The following ZNF680 variants were observed in gnomAD, a reference collection of about 807,000 sequenced individuals.
ZNF680 encodes hypothetical protein FLJ90430.
A neutral mutation model predicts 12.1 loss-of-function variants in ZNF680; 6 were observed. The observed-to-expected ratio is 0.49, with a 90% confidence interval of 0.27 to 0.98. The LOEUF is 0.98. Ranked by LOEUF, ZNF680 falls within the 50% of genes least tolerant of loss-of-function variation. The probability of loss-of-function intolerance (pLI) is 0.12; values close to 1 mark genes in which losing one functional copy is unlikely to be tolerated. For missense variants in ZNF680, 561 were observed against 616.3 expected (o/e 0.91, Z 0.95); for synonymous variants, 170 against 199.3 (o/e 0.85, Z 1.24).
intron 1 of ZNF680, among the ~76,000 whole-genome samples, chr7:64,547,047 T>A (rs186898298): frequency 6.6e-6 from 1 of 152,218 alleles, no homozygotes; most frequent in East Asian, 1.9e-4. Flanking sequence ...GTAAGATTTT[T>A]TAAATTGGCC....
At position 64,522,412 on chromosome 7, in the gene ZNF680, T is replaced by G. The variant is rs762088868; in HGVS notation, c.342A>C (p.Lys114Asn). 1.2e-5 allele frequency: 19 copies of G among 1,611,470 alleles called. No individual in the cohort carries two copies. In the South Asian group the frequency reaches 2.1e-4, roughly 18 times the overall value. Residue 114 changes from lysine to asparagine, a missense_variant, in exon 4 of 4, where the codon AAA becomes AAC. Transcript: ENST00000309683. Reference protein sequence around the residue: ...FQKVILRGYGKCGHENLQLRI... With the variant: ...FQKVILRGYGNCGHENLQLRI... The stretch of plus-strand genomic sequence containing the variant: ...TTAATTGTAAATTCTCATGTCCACA[T>G]TTTCCATATCCTCTCAGTATCACTT...
At chr7:64,530,411 A>G (rs1785797365) in intron 3 of ZNF680, among the ~76,000 whole-genome samples, 1 of 152,188 alleles carries the variant, frequency 6.6e-6, no homozygotes, top group African/African-American at 2.4e-5. Context: ...TGATGCCTTC[A>G]AGAGACTAAC....
chr7:64,522,147 T>C lies in ZNF680; in HGVS notation c.607A>G (p.Ile203Val). 1 of 1,612,534 alleles carries C rather than the reference T, an allele frequency of 6.2e-7. No individual in the cohort carries two copies. Among genetic ancestry groups the C allele is most frequent in the South Asian group, 1.1e-5 (1 of 90,852 alleles). The change falls in exon 4 of 4, where the codon ATT becomes GTT. Residue 203 changes from isoleucine to valine, a missense_variant. By Grantham distance (29) the Ile-to-Val change is conservative. Coordinates refer to ENST00000309683, the MANE Select transcript of ZNF680 (RefSeq NM_178558.5). ...TTGTAAGAATTCTCTCTAGTGTGAA[T>C]TCTTATATGTTGTGTTAGATGTGAA... ...MLSHLTQHIR[I>V]HTRENSYKCE...
Position 64,521,971 on chromosome 7 carries a change from A to C in ZNF680, c.783T>G (p.Ile261Met), listed in dbSNP as rs763018881. ...STLIKHKKIH[I>M]EEKPFKCEEC... ...CTTCACATTTGAAGGGTTTCTCTTCAATATGAATTTTCTTATGTTTAATAA... is the reference window on the plus strand; with the variant it reads ...CTTCACATTTGAAGGGTTTCTCTTCCATATGAATTTTCTTATGTTTAATAA... The change falls in exon 4 of 4, where the codon ATT (isoleucine) becomes ATG (methionine). Residue 261 changes from isoleucine (I) to methionine (M), a missense_variant. Physicochemically the swap from Ile to Met is conservative, Grantham distance 10 (BLOSUM62 1). Coordinates refer to ENST00000309683, the MANE Select transcript of ZNF680 (RefSeq NM_178558.5). 1 of 1,612,530 alleles carries C rather than the reference A, an allele frequency of 6.2e-7. No homozygotes were observed. Among genetic ancestry groups the C allele is most frequent in the South Asian group, 1.1e-5 (1 of 90,950 alleles).
the ZNF680 span, among the ~76,000 whole-genome samples, chr7:64,502,691 G>A: frequency 0.67 from 102,281 of 152,012 alleles, 35,291 homozygotes; most frequent in African/African-American, 0.84. Context: ...AGAAATTTGG[G>A]GGAAAAAAAC....
At chr7:64,535,159 TAAAAG>T (rs925328062) in intron 3 of ZNF680, among the ~76,000 whole-genome samples, 3 of 151,930 alleles carry the variant, frequency 2.0e-5, no homozygotes, top group Non-Finnish European at 4.4e-5. Flanking sequence ...ATTTAAAAAA[TAAAAG>T]AGAATTTGAG....
At chr7:64,546,842 T>C (rs1786812537) in intron 1 of ZNF680, among the ~76,000 whole-genome samples, 1 of 152,144 alleles carries the variant, frequency 6.6e-6, no homozygotes, top group African/African-American at 2.4e-5. Context: ...CACACTGACC[T>C]GTCTCTACCA....
chr7:64,511,963 G>C, the ZNF680 span, among the ~76,000 whole-genome samples: 1 of 151,776 alleles, frequency 6.6e-6, no homozygotes, highest in Non-Finnish European at 1.5e-5. Flanking sequence ...GGAGGCTGAG[G>C]CAGGAGAATC....
intron 3 of ZNF680, chr7:64,526,478 AC>A: frequency 8.2e-7 from 1 of 1,212,158 alleles, no homozygotes; most frequent in Non-Finnish European, 1.2e-6. Context: ...ATAACTTGAG[AC>A]CAGGAGTTCA....
At chr7:64,537,989 G>C (rs188994356) in intron 3 of ZNF680, among the ~76,000 whole-genome samples, 5 of 152,096 alleles carry the variant, frequency 3.3e-5, no homozygotes, top group Admixed American at 6.6e-5. Flanking sequence ...GAACGCTTTT[G>C]TGTATGATCA....
At chr7:64,502,049 G>A in the ZNF680 span, among the ~76,000 whole-genome samples, 474 of 135,010 alleles carry the variant, frequency 3.5e-3, 9 homozygotes, top group South Asian at 0.018. Flanking sequence ...CTGTTGCCCA[G>A]GCTGGAGTGC....
At chr7:64,554,183 G>A (rs1270474182) in intron 1 of ZNF680, among the ~76,000 whole-genome samples, 7 of 147,528 alleles carry the variant, frequency 4.7e-5, no homozygotes, top group South Asian at 2.2e-4. Context: ...TGTGGGGAGC[G>A]CCTCTGCCCC....
At chr7:64,509,111 T>C in the ZNF680 span, among the ~76,000 whole-genome samples, 1 of 152,180 alleles carries the variant, frequency 6.6e-6, no homozygotes, top group East Asian at 1.9e-4. Flanking sequence ...GATTTTCTTA[T>C]GCTGGGGGGC....
chr7:64,509,538 CTTTT>C, the ZNF680 span, among the ~76,000 whole-genome samples: 2 of 152,218 alleles, frequency 1.3e-5, no homozygotes, highest in South Asian at 4.1e-4. Flanking sequence ...TTACTTTGTG[CTTTT>C]TTAATTCTTC....
chr7:64,549,153 TGCCCTGGTGGA>T (rs1421728735), intron 1 of ZNF680, among the ~76,000 whole-genome samples: 1 of 149,974 alleles, frequency 6.7e-6, no homozygotes, highest in Non-Finnish European at 1.5e-5. Context: ...ACAATGAAAC[TGCCCTGGTGGA>T]GCTCCAGAAT....
At position 64,520,001 on chromosome 7, in the gene ZNF680, A is replaced by G. The variant is rs1791446637; in HGVS notation, c.*1160T>C. On this transcript the variant is annotated 3_prime_UTR_variant, in exon 4 of 4. Transcript: ENST00000309683. ...AAAATGATTCACTAGTAATTTAATT[A>G]CATTTAATTTAAAGTAAAATTAAAA... is the stretch of plus-strand genomic sequence containing the variant. The G allele has an allele frequency of 6.6e-6, 1 of 151,860 alleles. No homozygotes were observed. Among genetic ancestry groups the G allele is most frequent in the African/African-American group, 2.4e-5 (1 of 41,442 alleles). 9.4% of individuals were successfully genotyped at this position (151,860 alleles called of 1,614,324 possible).
chr7:64,538,599 TTC>T (rs1786306162), intron 3 of ZNF680, among the ~76,000 whole-genome samples: 1 of 152,280 alleles, frequency 6.6e-6, no homozygotes, highest in Admixed American at 6.5e-5. Flanking sequence ...ACTATAAGTT[TTC>T]TAGAAAACAT....
chr7:64,522,054 C>T lies in ZNF680; in HGVS notation c.700G>A (p.Gly234Arg), dbSNP rs1791572058. The change falls in exon 4 of 4, where the codon GGA becomes AGA. Residue 234 changes from glycine (G) to arginine (R), a missense_variant. Coordinates refer to ENST00000309683, the MANE Select transcript of ZNF680 (RefSeq NM_178558.5). The part of the protein sequence containing the change: ...ELIKHKGIHM[G>R]EKPYKCEECG... Reference sequence around the variant, plus strand: ...TCCTCACATTTGTAGGGTTTCTCTCCCATATGAATTCCCTTATGTTTAATA... The same window carrying T: ...TCCTCACATTTGTAGGGTTTCTCTCTCATATGAATTCCCTTATGTTTAATA... 1.2e-6 allele frequency: 2 copies of T among 1,612,668 alleles called. No homozygotes were observed. The highest frequency in any genetic ancestry group is 1.7e-6 in the Non-Finnish European group (2 of 1,179,454).
intron 2 of ZNF680, 175 bp downstream of exon 2, chr7:64,544,131 C>A: frequency 1.1e-6 from 1 of 899,832 alleles, no homozygotes; most frequent in Non-Finnish European, 1.6e-6. Context: ...AAGTTCAGGT[C>A]AAGATGAAAC....
Sources: allele counts gnomAD v4.1 joint callset (sites outside exome capture counted in the v4.1 genomes callset), GRCh38; gene constraint gnomAD v4.1.1; transcripts MANE v1.5; gene names NCBI Gene and HGNC (gene_info 2026-07-23, HGNC 2026-07-21).